The following CCDC122 variants were observed in gnomAD, a reference collection of about 807,000 sequenced individuals.
The protein encoded by CCDC122 is coiled-coil domain containing 122.
Under a neutral mutation model 37.0 loss-of-function variants are expected in CCDC122, and 38 were observed. The ratio of observed to expected loss-of-function variants is 1.03; its 90% CI spans 0.79 to 1.35. The LOEUF (loss-of-function observed/expected upper bound fraction) is 1.35, where lower values mean the gene tolerates loss of function less well. CCDC122 is among the 40% of genes most tolerant of loss of function. CCDC122 has a pLI of 0.00. For synonymous variants in CCDC122, 83 were observed against 95.6 expected (o/e 0.87, Z 0.77); for missense variants, 305 against 310.0 (o/e 0.98, Z 0.12).
chr13:43,827,720 C>T (rs1469899048), intron 3 of CCDC122, among the ~76,000 whole-genome samples: 6 of 152,166 alleles, frequency 3.9e-5, no homozygotes, highest in African/African-American at 1.2e-4. Context: ...TGGGCTTGAG[C>T]GTGCTCAGAT....
downstream of CCDC122, among the ~76,000 whole-genome samples, chr13:43,823,721 TC>T (rs1953013433): frequency 6.6e-6 from 1 of 152,198 alleles, no homozygotes; most frequent in African/African-American, 2.4e-5. Context: ...TATTCTCTAC[TC>T]CCAGGGCAGC....
rs777043512 is a variant in CCDC122, at chr13:43,858,825, C to T, written c.628G>A (p.Glu210Lys). 2 of 1,423,234 alleles carry T rather than the reference C, an allele frequency of 1.4e-6. No homozygotes were observed. Among genetic ancestry groups the T allele is most frequent in the South Asian group, 1.4e-5 (1 of 73,900 alleles). The allele number at this position is 1,423,234 out of a possible 1,614,324, so 88.2% of individuals were successfully genotyped here. ...TTTTCATGTGTCTTTTTTTCTTCCT[C>T]AAGAAAACAAGTTTTTTCAATGATA... ...ESIIEKTCFL[E>K]EEKKTHEKLR... is the part of the protein sequence containing the mutation. The change falls in exon 6 of 7, where the codon GAG (glutamate) becomes AAG (lysine). Residue 210 changes from glutamate to lysine, a missense_variant. Transcript: ENST00000444614.
chr13:43,837,707 TAA>T (rs1953214956), intron 6 of CCDC122, among the ~76,000 whole-genome samples: 1 of 152,002 alleles, frequency 6.6e-6, no homozygotes. Context: ...AAACCAAAGA[TAA>T]AAGAGTTCAA....
At chr13:43,839,814 GC>G (rs1473447342) in intron 6 of CCDC122, among the ~76,000 whole-genome samples, 2 of 152,236 alleles carry the variant, frequency 1.3e-5, no homozygotes, top group East Asian at 3.9e-4. Flanking sequence ...AAAAACTTCA[GC>G]CAAATTAAAT....
At chr13:43,845,882 T>C (rs1253209821) in intron 6 of CCDC122, among the ~76,000 whole-genome samples, 1 of 152,168 alleles carries the variant, frequency 6.6e-6, no homozygotes, top group African/African-American at 2.4e-5. Flanking sequence ...CCTCTCTCTT[T>C]ACCCACAATA....
intron 3 of CCDC122, among the ~76,000 whole-genome samples, chr13:43,825,411 G>A (rs1013827086): frequency 6.6e-6 from 1 of 152,108 alleles, no homozygotes; most frequent in African/African-American, 2.4e-5. Context: ...TAGGGCAAGG[G>A]CTGAAAAATG....
chr13:43,839,550 A>G (rs1196224421), intron 6 of CCDC122, among the ~76,000 whole-genome samples: 1 of 152,152 alleles, frequency 6.6e-6, no homozygotes, highest in Non-Finnish European at 1.5e-5. Flanking sequence ...TACTGCCATG[A>G]ACATTTGTGT....
chr13:43,853,453 T>C (rs1341572852), intron 6 of CCDC122, among the ~76,000 whole-genome samples: 1 of 152,180 alleles, frequency 6.6e-6, no homozygotes, highest in Non-Finnish European at 1.5e-5. Context: ...ATCCTAAATA[T>C]ATATGCACCC....
intron 5 of CCDC122, 99 bp downstream of exon 5, chr13:43,859,573 G>A: frequency 1.1e-6 from 1 of 934,924 alleles, no homozygotes. Flanking sequence ...GGACAGCTAT[G>A]GGCATTTTAT....
At chr13:43,878,197 C>T (rs927522606) in intron 1 of CCDC122, 1 of 151,982 alleles carries the variant, frequency 6.6e-6, no homozygotes, top group East Asian at 1.9e-4. Flanking sequence ...ACTAAAAGAC[C>T]TCTGTTTTGC....
chr13:43,819,793 G>A (rs762898933), downstream of CCDC122, among the ~76,000 whole-genome samples: 1 of 151,952 alleles, frequency 6.6e-6, no homozygotes, highest in Non-Finnish European at 1.5e-5. Flanking sequence ...TTGTAAACAT[G>A]TAAATATCTC....
intron 3 of CCDC122, among the ~76,000 whole-genome samples, chr13:43,828,643 T>A (rs1438668520): frequency 6.6e-6 from 1 of 151,342 alleles, no homozygotes; most frequent in African/African-American, 2.4e-5. Context: ...GTAACAAGAA[T>A]TACATCATAT....
chr13:43,831,006 A>C lies in CCDC122; in HGVS notation n.602-6995T>G, dbSNP rs148403991. On this transcript the variant is annotated intron_variant and non_coding_transcript_variant, in intron 3 of 3. Coordinates refer to the CCDC122 transcript ENST00000470137. ...TAATTGAGACTGAAAGGCTTAGAAG[A>C]TAAATAATCTAAATTAGTGGAAGGT... 1.1e-4 allele frequency among the ~76,000 whole-genome samples: 16 copies of C among 152,346 alleles called. No homozygotes were observed. In the East Asian group the frequency reaches 3.1e-3, roughly 29 times the overall value.
chr13:43,832,779 T>C (rs1327915829), downstream of CCDC122, among the ~76,000 whole-genome samples: 1 of 152,200 alleles, frequency 6.6e-6, no homozygotes, highest in Non-Finnish European at 1.5e-5. Flanking sequence ...ACCTTGCCCC[T>C]GATGAGCTGT....
chr13:43,839,284 T>C (rs1265644872), intron 6 of CCDC122, among the ~76,000 whole-genome samples: 2 of 152,232 alleles, frequency 1.3e-5, no homozygotes, highest in African/African-American at 2.4e-5. Context: ...ACCATGAATC[T>C]AGTTTCTCCT....
At chr13:43,822,730 C>T (rs563270355), downstream of CCDC122, among the ~76,000 whole-genome samples, 12 of 152,310 alleles carry the variant, frequency 7.9e-5, no homozygotes, top group Non-Finnish European at 1.2e-4. Flanking sequence ...CCACCACCAG[C>T]CCATGGTGGG....
At chr13:43,858,721 T>C in intron 6 of CCDC122, 60 bp downstream of exon 6, 1 of 1,162,716 alleles carries the variant, frequency 8.6e-7, no homozygotes, top group African/African-American at 1.6e-5. Context: ...AATATGAATA[T>C]AGTGTTAAGT....
At chr13:43,870,272 C>T (rs1594858171) in intron 2 of CCDC122, among the ~76,000 whole-genome samples, 2 of 152,198 alleles carry the variant, frequency 1.3e-5, no homozygotes, top group East Asian at 3.9e-4. Context: ...CATGTCACTT[C>T]CTTCAAATCT....
chr13:43,828,717 A>G (rs1412567830), intron 3 of CCDC122, among the ~76,000 whole-genome samples: 3 of 152,110 alleles, frequency 2.0e-5, no homozygotes, highest in African/African-American at 7.2e-5. Context: ...ATTCTTTGCC[A>G]TCAGTTTCCT....
Sources: allele counts gnomAD v4.1 joint callset (sites outside exome capture counted in the v4.1 genomes callset), GRCh38; gene constraint gnomAD v4.1.1; transcripts MANE v1.5; gene names NCBI Gene and HGNC (gene_info 2026-07-23, HGNC 2026-07-21).